The following PARD3 variants were observed in gnomAD, a reference collection of about 807,000 sequenced individuals.
PARD3 encodes par-3 family cell polarity regulator.
A neutral mutation model predicts 155.4 loss-of-function variants in PARD3; 75 were observed. The ratio of observed to expected loss-of-function variants is 0.48; its 90% CI spans 0.40 to 0.58. PARD3 has a LOEUF of 0.58. Among genes scored for constraint, PARD3 ranks in the 20% least tolerant of loss-of-function variants. The probability of loss-of-function intolerance (pLI) is 0.00; values close to 1 mark genes in which losing one functional copy is unlikely to be tolerated. For synonymous variants in PARD3, 576 were observed against 610.5 expected, an observed-to-expected ratio of 0.94 and a Z score of 0.83; for missense variants, 1,642 against 1,721.7, an observed-to-expected ratio of 0.95 and a Z score of 0.82.
chr10:34,230,895 G>T (rs1952888598), intron 22 of PARD3, among the ~76,000 whole-genome samples: 1 of 151,992 alleles, frequency 6.6e-6, no homozygotes, highest in Non-Finnish European at 1.5e-5. Context: ...GGGCATTGGG[G>T]TGAGGATACA....
At chr10:34,798,850 T>C in intron 1 of PARD3, among the ~76,000 whole-genome samples, 1 of 152,142 alleles carries the variant, frequency 6.6e-6, no homozygotes, top group Non-Finnish European at 1.5e-5. Context: ...GCAAATCACA[T>C]AATGCAACAA....
intron 12 of PARD3, among the ~76,000 whole-genome samples, chr10:34,364,315 G>A (rs1312031498): frequency 6.6e-6 from 1 of 152,104 alleles, no homozygotes; most frequent in Non-Finnish European, 1.5e-5. Flanking sequence ...TTATAGGAGT[G>A]AGCTCAATAG....
chr10:34,744,928 C>T (rs1440688941), intron 1 of PARD3, among the ~76,000 whole-genome samples: 5 of 152,174 alleles, frequency 3.3e-5, no homozygotes, highest in Non-Finnish European at 2.9e-5. Flanking sequence ...TGGGTGCACA[C>T]CCAGGAGCTC....
intron 2 of PARD3, among the ~76,000 whole-genome samples, chr10:34,622,429 A>T (rs1210065485): frequency 5.3e-5 from 8 of 152,218 alleles, no homozygotes. Flanking sequence ...AAATTTCTAA[A>T]AATAATACAT....
rs548534436 is a variant in PARD3, at chr10:34,350,896, A to G, written c.2068-2781T>C. 6.0e-4 allele frequency among the ~76,000 whole-genome samples: 92 copies of G among 152,320 alleles called. 1 individual carries two copies. The highest frequency in any genetic ancestry group is 3.4e-3 in the Middle Eastern group (1 of 294). On this transcript the variant is annotated intron_variant, in intron 14 of 24. Coordinates refer to ENST00000374788, the MANE Select transcript of PARD3 (RefSeq NM_001184785.2). Reference sequence around the variant, plus strand: ...ACTCGGTAGGAGTGTAAAGTGATACAGTCTTTTGCTACAGTAACTTGGAAA... The same window carrying G: ...ACTCGGTAGGAGTGTAAAGTGATACGGTCTTTTGCTACAGTAACTTGGAAA...
chr10:34,717,496 A>T (rs1017970520), intron 1 of PARD3, among the ~76,000 whole-genome samples: 2 of 152,182 alleles, frequency 1.3e-5, no homozygotes, highest in African/African-American at 4.8e-5. Context: ...GTTCCCCTGC[A>T]ATCGCAGAGT....
At chr10:34,770,568 A>C (rs1838728479) in intron 1 of PARD3, among the ~76,000 whole-genome samples, 1 of 152,180 alleles carries the variant, frequency 6.6e-6, no homozygotes, top group African/African-American at 2.4e-5. Context: ...CTTGCGCTGG[A>C]CCTGCATTCT....
chr10:34,387,960 C>CAAATCATAAATTCAAAAT (rs1564656609), intron 7 of PARD3, among the ~76,000 whole-genome samples: 87 of 152,280 alleles, frequency 5.7e-4, no homozygotes, highest in African/African-American at 2.0e-3. Flanking sequence ...ATCATAAATA[C>CAAATCATAAATTCAAAAT]ACCACACACG....
chr10:34,774,757 T>C (rs1839324753), intron 1 of PARD3, among the ~76,000 whole-genome samples: 1 of 152,250 alleles, frequency 6.6e-6, no homozygotes, highest in Admixed American at 6.5e-5. Context: ...ACTACCTGCA[T>C]GCACATATGT....
intron 2 of PARD3, among the ~76,000 whole-genome samples, chr10:34,644,998 C>T (rs568032971): frequency 3.3e-5 from 5 of 152,108 alleles, no homozygotes; most frequent in South Asian, 2.1e-4. Context: ...GGACTACAGG[C>T]GAGTGCCACC....
intron 18 of PARD3, among the ~76,000 whole-genome samples, chr10:34,333,057 T>C (rs995695730): frequency 4.6e-5 from 7 of 152,166 alleles, no homozygotes; most frequent in Admixed American, 1.3e-4. Flanking sequence ...CTATCAACTT[T>C]CATAATTTAC....
intron 20 of PARD3, among the ~76,000 whole-genome samples, chr10:34,289,437 G>C (rs909784117): frequency 5.3e-5 from 8 of 151,934 alleles, no homozygotes; most frequent in African/African-American, 1.9e-4. Context: ...GGATCCACCC[G>C]CACCAGATTC....
intron 15 of PARD3, among the ~76,000 whole-genome samples, chr10:34,342,385 G>C (rs1163551846): frequency 6.6e-6 from 1 of 152,200 alleles, no homozygotes; most frequent in Non-Finnish European, 1.5e-5. Flanking sequence ...GGTAGGAAGT[G>C]CTGGAAATCT....
At chr10:34,331,612 T>C (rs561720319) in intron 18 of PARD3, among the ~76,000 whole-genome samples, 35 of 152,296 alleles carry the variant, frequency 2.3e-4, no homozygotes, top group African/African-American at 7.2e-4. Flanking sequence ...ACAGATGAAA[T>C]TGTTGTCAAA....
chr10:34,260,989 G>C, intron 22 of PARD3, among the ~76,000 whole-genome samples: 1 of 152,112 alleles, frequency 6.6e-6, no homozygotes, highest in Non-Finnish European at 1.5e-5. Flanking sequence ...TCTCTTTAGT[G>C]GTAAAATGCA....
chr10:34,531,822 G>T (rs559872408), intron 2 of PARD3, among the ~76,000 whole-genome samples: 1 of 152,078 alleles, frequency 6.6e-6, no homozygotes, highest in Non-Finnish European at 1.5e-5. Flanking sequence ...CGTTATTCAA[G>T]GTTTACAGTT....
At chr10:34,528,550 TTTG>T (rs1229188947) in intron 2 of PARD3, among the ~76,000 whole-genome samples, 1 of 152,182 alleles carries the variant, frequency 6.6e-6, no homozygotes, top group Non-Finnish European at 1.5e-5. Context: ...TTTGTTTTGT[TTTG>T]TTTTTTCCCC....
chr10:34,539,733 C>G (rs1185575800), intron 2 of PARD3, among the ~76,000 whole-genome samples: 1 of 152,196 alleles, frequency 6.6e-6, no homozygotes, highest in Non-Finnish European at 1.5e-5. Context: ...TGTCCTAGGT[C>G]TGCTGTATCT....
At chr10:34,312,203 AT>A (rs1957736376) in intron 20 of PARD3, 2 of 1,426,758 alleles carry the variant, frequency 1.4e-6, no homozygotes, top group East Asian at 4.7e-5. Context: ...TAATAAGGAA[AT>A]TACTAAACCA....
Sources: allele counts gnomAD v4.1 joint callset (sites outside exome capture counted in the v4.1 genomes callset), GRCh38; gene constraint gnomAD v4.1.1; transcripts MANE v1.5; gene names NCBI Gene and HGNC (gene_info 2026-07-23, HGNC 2026-07-21).